Variants in TMX2 observed in about 807,000 individuals in gnomAD.
TMX2 encodes thioredoxin related transmembrane protein 2.
Under a neutral mutation model 33.4 loss-of-function variants are expected in TMX2, and 20 were observed. That is an observed-to-expected ratio of 0.60 (90% CI 0.42 to 0.87). The LOEUF is 0.87. Among genes scored for constraint, TMX2 ranks in the 40% least tolerant of loss-of-function variants. The probability of loss-of-function intolerance (pLI) is 0.00; values close to 1 mark genes in which losing one functional copy is unlikely to be tolerated. For synonymous variants in TMX2, 166 were observed against 140.7 expected (o/e 1.18, Z -1.27); for missense variants, 340 against 370.7 (o/e 0.92, Z 0.68).
intron 1 of TMX2, among the ~76,000 whole-genome samples, chr11:57,726,109 A>G (rs1248816396): frequency 1.3e-5 from 2 of 152,100 alleles, no homozygotes; most frequent in African/African-American, 4.8e-5. Flanking sequence ...AGCTCCACAT[A>G]AAAGTTAAAA....
chr11:57,733,276 A>C (rs1590959912), intron 1 of TMX2, among the ~76,000 whole-genome samples: 1 of 94,818 alleles, frequency 1.1e-5, no homozygotes, highest in Non-Finnish European at 1.9e-5. Context: ...TTTTTTTGAG[A>C]TGGAGTTTCA....
chr11:57,735,300 C>T (rs1948676032), intron 1 of TMX2, among the ~76,000 whole-genome samples: 2 of 151,850 alleles, frequency 1.3e-5, no homozygotes, highest in South Asian at 2.1e-4. Flanking sequence ...CCTCCGCCTC[C>T]CGGGTTCAAG....
intron 1 of TMX2, among the ~76,000 whole-genome samples, chr11:57,724,647 T>TA (rs201974197): frequency 0.016 from 2,460 of 149,434 alleles, 60 homozygotes; most frequent in African/African-American, 0.057. Flanking sequence ...GACCAGAACA[T>TA]AAAAACATAC....
intron 1 of TMX2, among the ~76,000 whole-genome samples, chr11:57,731,132 T>TTTG (rs1172794247): frequency 0.02 from 613 of 31,286 alleles, 16 homozygotes; most frequent in African/African-American, 0.069. Flanking sequence ...TTTGTTTTTT[T>TTTG]TTTTTTTTTT....
intron 1 of TMX2, chr11:57,718,579 A>T: frequency 1.7e-6 from 1 of 597,482 alleles, no homozygotes; most frequent in Non-Finnish European, 3.1e-6. Context: ...CTCTTTGCCC[A>T]ACTTTTTATA....
At position 57,739,244 on chromosome 11, in the gene TMX2, C is replaced by G; in HGVS notation, c.728C>G (p.Ser243Ter). 1 of 1,614,092 alleles carries G rather than the reference C, an allele frequency of 6.2e-7. No homozygotes were observed. Among genetic ancestry groups the G allele is most frequent in the African/African-American group, 1.3e-5 (1 of 75,004 alleles). The change falls in exon 7 of 8, where the codon TCA becomes TGA. Residue 243 changes from serine to a stop codon, truncating the protein, a stop_gained. Coordinates refer to ENST00000278422, the MANE Select transcript of TMX2 (RefSeq NM_015959.4). LOFTEE classifies it high-confidence loss of function. ...PQIDKKGRAV[S>*]WTFSEENVIR... ...ATTGACAAGAAAGGACGGGCTGTCT[C>G]ATGGACCTTCTCTGAGGTACCTGAA...
intron 1 of TMX2, among the ~76,000 whole-genome samples, chr11:57,724,369 C>T (rs1416727115): frequency 1.3e-5 from 2 of 152,120 alleles, no homozygotes; most frequent in African/African-American, 4.8e-5. Flanking sequence ...GTTTCATATA[C>T]AAGCCATGTT....
intron 1 of TMX2, among the ~76,000 whole-genome samples, chr11:57,716,478 G>A (rs1947057486): frequency 7.2e-6 from 1 of 138,426 alleles, no homozygotes; most frequent in African/African-American, 2.7e-5. Flanking sequence ...GGGGCGGCTG[G>A]CCGGGCTGAG....
chr11:57,719,943 G>C (rs564750703), intron 1 of TMX2, among the ~76,000 whole-genome samples: 1 of 152,028 alleles, frequency 6.6e-6, no homozygotes, highest in Admixed American at 6.6e-5. Flanking sequence ...ACCCTTAAAG[G>C]GGTCTAGATG....
At chr11:57,738,560 G>A in intron 4 of TMX2, 104 bp from the exon 5 acceptor site, 1 of 1,247,160 alleles carries the variant, frequency 8.0e-7, no homozygotes, top group Non-Finnish European at 1.2e-6. Context: ...CATTATGAGA[G>A]CCGGGGGAGA....
intron 1 of TMX2, among the ~76,000 whole-genome samples, chr11:57,730,010 A>T (rs1034237442): frequency 6.6e-6 from 1 of 151,660 alleles, no homozygotes; most frequent in East Asian, 1.9e-4. Flanking sequence ...AGACTGAGGC[A>T]GGAGTATCGC....
In TMX2 at chr11:57,716,160, C is replaced by T. The variant is rs1195678490; in HGVS notation, c.189+3353C>T. Among the ~76,000 whole-genome samples the T allele has an allele frequency of 2.6e-4, 39 of 151,712 alleles. No individual in the cohort carries two copies. The South Asian group carries it at 4.2e-3, about 16-fold the overall frequency. ...CTCCTCACTTCCTAGTAGGGGTGGC[C>T]GGGCAGAGGCGCCCCTCACCTCCCG... On this transcript the variant is annotated intron_variant, in intron 1 of 7. Coordinates refer to ENST00000278422, the MANE Select transcript of TMX2 (RefSeq NM_015959.4).
chr11:57,739,871 T>G (rs1367419181), intron 7 of TMX2, among the ~76,000 whole-genome samples: 1 of 152,220 alleles, frequency 6.6e-6, no homozygotes, highest in Non-Finnish European at 1.5e-5. Flanking sequence ...TTTTGCAGAT[T>G]ACATTAAATA....
In TMX2 at chr11:57,738,964, T is replaced by C. The variant is rs1948918788; in HGVS notation, c.549-10T>C. ...TTTTTTCAGCATATTAAATAATATA[T>C]TCTTTTCAGATACAACTGTACAGGG... On this transcript the variant is annotated splice_polypyrimidine_tract_variant and intron_variant, in intron 5 of 7. Coordinates refer to ENST00000278422, the MANE Select transcript of TMX2 (RefSeq NM_015959.4). 1.9e-6 allele frequency: 3 copies of C among 1,612,526 alleles called. No individual in the cohort carries two copies. The African/African-American group carries it at 4.0e-5, about 22-fold the overall frequency.
chr11:57,730,876 T>G (rs1272591299), intron 1 of TMX2, among the ~76,000 whole-genome samples: 1 of 152,176 alleles, frequency 6.6e-6, no homozygotes, highest in East Asian at 1.9e-4. Flanking sequence ...ATAATACGGT[T>G]AGTAAGAAGG....
chr11:57,718,040 C>G (rs893395768), intron 1 of TMX2: 2 of 1,101,010 alleles, frequency 1.8e-6, no homozygotes, highest in Non-Finnish European at 2.7e-6. Flanking sequence ...GTCAAACTTA[C>G]TAGACTTATC....
At chr11:57,727,732 TCTC>T (rs1948097779) in intron 1 of TMX2, among the ~76,000 whole-genome samples, 2 of 152,174 alleles carry the variant, frequency 1.3e-5, no homozygotes, top group Admixed American at 1.3e-4. Flanking sequence ...TTTCCTTCCT[TCTC>T]AGATCCAGGA....
intron 1 of TMX2, among the ~76,000 whole-genome samples, chr11:57,733,270 T>C (rs1230946842): frequency 6.7e-6 from 1 of 149,294 alleles, no homozygotes; most frequent in Non-Finnish European, 1.5e-5. Context: ...TTTTTTTTTT[T>C]TTGAGATGGA....
At chr11:57,720,592 T>G (rs1035282162) in intron 1 of TMX2, among the ~76,000 whole-genome samples, 3 of 152,208 alleles carry the variant, frequency 2.0e-5, no homozygotes, top group Non-Finnish European at 2.9e-5. Flanking sequence ...TGGAGACAGT[T>G]TCACCACGTT....
Sources: allele counts gnomAD v4.1 joint callset (sites outside exome capture counted in the v4.1 genomes callset), GRCh38; gene constraint gnomAD v4.1.1; transcripts MANE v1.5; gene names NCBI Gene and HGNC (gene_info 2026-07-23, HGNC 2026-07-21).